Variants in NEK10 observed in about 807,000 individuals in gnomAD.
NEK10 encodes the protein serine/threonine-protein kinase Nek10.
A neutral mutation model predicts 159.8 loss-of-function variants in NEK10; 122 were observed. The ratio of observed to expected loss-of-function variants is 0.76; its 90% CI spans 0.66 to 0.89. NEK10 has a LOEUF of 0.89. Ranked by LOEUF, NEK10 falls within the 40% of genes least tolerant of loss-of-function variation. The pLI, the probability that NEK10 is intolerant of heterozygous loss-of-function variation, is 0.00. For missense variants in NEK10, 1,342 were observed against 1,323.1 expected, an observed-to-expected ratio of 1.01 and a Z score of -0.22; for synonymous variants, 466 against 457.1, an observed-to-expected ratio of 1.02 and a Z score of -0.25.
At chr3:27,256,040 T>C (rs1189750870) in intron 23 of NEK10, among the ~76,000 whole-genome samples, 1 of 152,298 alleles carries the variant, frequency 6.6e-6, no homozygotes, top group Non-Finnish European at 1.5e-5. Context: ...CCAAGGATCA[T>C]TGCAATTTAC....
chr3:27,238,281 T>C lies in NEK10; in HGVS notation c.2090+18015A>G, dbSNP rs1234618361. Among the ~76,000 whole-genome samples, 3 of 152,188 alleles carry C rather than the reference T, an allele frequency of 2.0e-5. 1 individual carries two copies. In the East Asian group the frequency reaches 5.8e-4, roughly 29 times the overall value. On this transcript the variant is annotated intron_variant, in intron 23 of 35. Coordinates refer to ENST00000691995, the MANE Select transcript of NEK10 (RefSeq NM_001394966.1). ...GAAGCTATAGAAAAGCACTCATTAA[T>C]ATCAGTATTTGTGTATGTGTGTTTG...
intron 19 of NEK10, among the ~76,000 whole-genome samples, chr3:27,289,559 G>A (rs975496754): frequency 2.6e-5 from 4 of 152,184 alleles, no homozygotes; most frequent in African/African-American, 7.2e-5. Context: ...CCAGCAGATC[G>A]TAAGCAATAT....
In NEK10 at chr3:27,261,925, T is replaced by C. The variant is rs564698329; in HGVS notation, c.2015-5554A>G. Among the ~76,000 whole-genome samples the C allele has an allele frequency of 5.3e-5, 8 of 152,346 alleles. No homozygotes were observed. The South Asian group carries it at 1.0e-3, about 20-fold the overall frequency. ...GGTACCCCTGTATTGGGTGCATATATATTTAGGATAGCTAGCTCTTCTTGT... is the reference window on the plus strand; with the variant it reads ...GGTACCCCTGTATTGGGTGCATATACATTTAGGATAGCTAGCTCTTCTTGT... On this transcript the variant is annotated intron_variant, in intron 22 of 35. Coordinates refer to ENST00000691995, the MANE Select transcript of NEK10 (RefSeq NM_001394966.1).
At chr3:27,241,121 T>A (rs1222093298) in intron 23 of NEK10, among the ~76,000 whole-genome samples, 1 of 152,132 alleles carries the variant, frequency 6.6e-6, no homozygotes, top group East Asian at 1.9e-4. Flanking sequence ...GAGGAAAATC[T>A]AAAAACAGAC....
chr3:27,174,522 G>A lies in NEK10; in HGVS notation c.2693C>T (p.Thr898Ile), dbSNP rs758811047. Reference protein sequence around the residue: ...NFNLENAEKDTYSEVDDELDI... With the variant: ...NFNLENAEKDIYSEVDDELDI... ...CAATTCATCATCTACCTCTGAATAT[G>A]TATCTGCACATTAATAAAAACAATA... is the stretch of plus-strand genomic sequence containing the variant. Residue 898 changes from threonine to isoleucine, a missense_variant, in exon 28 of 36, where the codon ACA (threonine) becomes ATA (isoleucine). Coordinates refer to ENST00000691995, the MANE Select transcript of NEK10 (RefSeq NM_001394966.1). 3 of 1,609,112 alleles carry A rather than the reference G, an allele frequency of 1.9e-6. No homozygotes were observed. The highest frequency in any genetic ancestry group is 4.5e-5 in the East Asian group (2 of 44,816).
At chr3:27,293,416 T>C (rs966090468) in intron 16 of NEK10, among the ~76,000 whole-genome samples, 172 bp downstream of exon 16, 6 of 152,232 alleles carry the variant, frequency 3.9e-5, no homozygotes, top group Non-Finnish European at 8.8e-5. Context: ...GGCTGGATAC[T>C]GAATCACTAC....
intron 35 of NEK10, 149 bp downstream of exon 35, chr3:27,115,791 G>T: frequency 1.6e-6 from 1 of 612,728 alleles, no homozygotes. Flanking sequence ...ACTTATAGAT[G>T]TATCTAGTCT....
chr3:27,261,013 G>T (rs1458618043), intron 22 of NEK10, among the ~76,000 whole-genome samples: 1 of 152,122 alleles, frequency 6.6e-6, no homozygotes, highest in East Asian at 1.9e-4. Flanking sequence ...TTGCGTAGAG[G>T]TGTTTATAGT....
At chr3:27,256,192 G>T in intron 23 of NEK10, 104 bp downstream of exon 23, 1 of 516,350 alleles carries the variant, frequency 1.9e-6, no homozygotes, top group Non-Finnish European at 3.2e-6. Context: ...TATAAAATAA[G>T]CTTTCTTTCC....
intron 23 of NEK10, among the ~76,000 whole-genome samples, chr3:27,210,860 C>T (rs1950946478): frequency 6.6e-6 from 1 of 152,206 alleles, no homozygotes; most frequent in Admixed American, 6.5e-5. Flanking sequence ...TGACAAGACA[C>T]TCCACCTGGA....
At chr3:27,179,704 C>T (rs926757663) in intron 26 of NEK10, among the ~76,000 whole-genome samples, 2 of 152,104 alleles carry the variant, frequency 1.3e-5, no homozygotes, top group Non-Finnish European at 2.9e-5. Flanking sequence ...ACTAACATGC[C>T]AATAGAACTA....
At chr3:27,315,006 T>G (rs190706714) in intron 6 of NEK10, among the ~76,000 whole-genome samples, 1 of 152,212 alleles carries the variant, frequency 6.6e-6, no homozygotes, top group African/African-American at 2.4e-5. Context: ...GTAAAGATAA[T>G]TTTTGACAAT....
At chr3:27,123,520 A>T (rs1052685682) in intron 32 of NEK10, among the ~76,000 whole-genome samples, 1 of 152,226 alleles carries the variant, frequency 6.6e-6, no homozygotes, top group Non-Finnish European at 1.5e-5. Context: ...TCATTAATTT[A>T]GTATTTTTAA....
At chr3:27,293,044 G>A (rs2043111982) in intron 16 of NEK10, among the ~76,000 whole-genome samples, 2 of 152,094 alleles carry the variant, frequency 1.3e-5, no homozygotes, top group African/African-American at 4.8e-5. Flanking sequence ...CACCACTGAG[G>A]GAACCAGTGT....
intron 25 of NEK10, among the ~76,000 whole-genome samples, chr3:27,195,066 T>C (rs1303115099): frequency 6.6e-6 from 1 of 152,178 alleles, no homozygotes; most frequent in Admixed American, 6.6e-5. Context: ...AAATGCAAAC[T>C]GTGTGAGCTC....
chr3:27,222,127 ATT>A (rs1341491759), intron 23 of NEK10, among the ~76,000 whole-genome samples: 1 of 152,130 alleles, frequency 6.6e-6, no homozygotes. Flanking sequence ...AATCCCAGCA[ATT>A]TGGGAGGCTG....
chr3:27,289,772 A>C (rs1263881653), intron 19 of NEK10, among the ~76,000 whole-genome samples: 1 of 152,244 alleles, frequency 6.6e-6, no homozygotes, highest in African/African-American at 2.4e-5. Context: ...CAAACTTTTT[A>C]AAGTCTAGTC....
rs143486088 is a variant in NEK10 at position 27,129,589 on chromosome 3, T to C, written c.3081+2291A>G. Among the ~76,000 whole-genome samples, 716 of 152,250 alleles carry C rather than the reference T, an allele frequency of 4.7e-3. 7 individuals are homozygous for C. The highest frequency in any genetic ancestry group is 0.016 in the African/African-American group (680 of 41,546). On this transcript the variant is annotated intron_variant, in intron 32 of 35. Coordinates refer to ENST00000691995, the MANE Select transcript of NEK10 (RefSeq NM_001394966.1). ...TTTAGATGAAGGCAGGAAAGTTACA[T>C]ATATGAATATATTTTATCAGTATAC...
intron 22 of NEK10, among the ~76,000 whole-genome samples, chr3:27,262,415 C>A (rs911512164): frequency 1.3e-5 from 2 of 152,192 alleles, no homozygotes; most frequent in Non-Finnish European, 2.9e-5. Flanking sequence ...TGGATAATAT[C>A]CCACAGAGTG....
Sources: gnomAD v4.1 joint callset for allele counts (sites outside exome capture counted in the v4.1 genomes callset) on GRCh38, gnomAD v4.1.1 for gene constraint, MANE v1.5 for transcripts, NCBI Gene and HGNC (gene_info 2026-07-23, HGNC 2026-07-21) for gene names.